The following S100PBP variants were observed in gnomAD, a reference collection of about 807,000 sequenced individuals.
S100PBP encodes S100P binding protein, also known as S100P-binding protein.
S100PBP carries 15 observed loss-of-function variants against 39.9 expected under a neutral mutation model. That is an observed-to-expected ratio of 0.38 (90% CI 0.25 to 0.58). The LOEUF (loss-of-function observed/expected upper bound fraction) is 0.58. Ranked by LOEUF, S100PBP falls within the 20% of genes least tolerant of loss-of-function variation. S100PBP has a pLI of 0.70. For missense variants in S100PBP, 504 were observed against 487.3 expected, an observed-to-expected ratio of 1.03 and a Z score of -0.32; for synonymous variants, 178 against 180.3, an observed-to-expected ratio of 0.99 and a Z score of 0.10.
chr1:32,852,835 TG>T (rs1373337816), intron 5 of S100PBP: 2 of 450,874 alleles, frequency 4.4e-6, no homozygotes, highest in African/African-American at 4.0e-5. Context: ...TAAAGTTCCC[TG>T]TATATTGTAG....
At chr1:32,852,890 T>C (rs893281285) in intron 5 of S100PBP, 189 bp from the exon 6 acceptor site, 3 of 533,156 alleles carry the variant, frequency 5.6e-6, no homozygotes, top group Non-Finnish European at 1.0e-5. Context: ...TATTATTGCT[T>C]CACCTTCACC....
At chr1:32,841,681 A>G (rs1460951135) in intron 5 of S100PBP, among the ~76,000 whole-genome samples, 1 of 150,202 alleles carries the variant, frequency 6.7e-6, no homozygotes, top group East Asian at 2.0e-4. Context: ...GTGGGCCGAG[A>G]TAGCACCATT....
At position 32,833,678 on chromosome 1, in the gene S100PBP, A is replaced by G. The variant is rs535944952; in HGVS notation, c.1024+3611A>G. 3.0e-3 allele frequency among the ~76,000 whole-genome samples: 450 copies of G among 152,136 alleles called. 4 individuals carry two copies. The highest frequency in any genetic ancestry group is 0.01 in the African/African-American group (429 of 41,524). On this transcript the variant is annotated intron_variant, in intron 5 of 6. Transcript: ENST00000373475. ...CCCAGCCCATTTTTTATTCTTTCAGACATTAGAAATAATGATTCTCTCTCC... is the reference window on the plus strand; with the variant it reads ...CCCAGCCCATTTTTTATTCTTTCAGGCATTAGAAATAATGATTCTCTCTCC...
upstream of S100PBP, chr1:32,817,367 C>T: frequency 1.6e-6 from 2 of 1,288,018 alleles, no homozygotes; most frequent in South Asian, 1.2e-5. Context: ...CTGGGCTCGG[C>T]GCTCCGCTTA....
intron 4 of S100PBP, among the ~76,000 whole-genome samples, chr1:32,829,636 A>G (rs898617116): frequency 6.6e-6 from 1 of 151,866 alleles, no homozygotes; most frequent in Non-Finnish European, 1.5e-5. Context: ...CTAATTTTTT[A>G]AAAAAATTTC....
chr1:32,847,404 T>C (rs1251956119), intron 5 of S100PBP: 5 of 152,220 alleles, frequency 3.3e-5, no homozygotes, highest in African/African-American at 4.8e-5. Context: ...CAATTTTCAG[T>C]AGTCTGAAAG....
In S100PBP at chr1:32,826,557, C is replaced by A; in HGVS notation, c.458C>A (p.Pro153Gln). Reference sequence around the variant, plus strand: ...AAAGTAACTGTTGCACCATTTAATCCAACAGTTTGTGATGCTCTGCTTGAT... The same window carrying A: ...AAAGTAACTGTTGCACCATTTAATCAAACAGTTTGTGATGCTCTGCTTGAT... ...LIKVTVAPFN[P>Q]TVCDALLDKD... Residue 153 changes from proline to glutamine, a missense_variant, in exon 3 of 7, where the codon CCA becomes CAA. Physicochemically the swap from Pro to Gln is moderately conservative, Grantham distance 76 (BLOSUM62 -1). Coordinates refer to ENST00000373475, the MANE Select transcript of S100PBP (RefSeq NM_022753.4). 6.2e-7 allele frequency: 1 copy of A among 1,613,794 alleles called. No homozygotes were observed. The highest frequency in any genetic ancestry group is 2.2e-5 in the East Asian group (1 of 44,880).
chr1:32,844,140 T>G (rs992709235), intron 5 of S100PBP, among the ~76,000 whole-genome samples: 2 of 152,126 alleles, frequency 1.3e-5, no homozygotes, highest in Admixed American at 1.3e-4. Flanking sequence ...GGTCTTGAAC[T>G]CCTGACCTTA....
chr1:32,850,667 G>A (rs1640571743), intron 5 of S100PBP, among the ~76,000 whole-genome samples: 2 of 152,134 alleles, frequency 1.3e-5, no homozygotes, highest in South Asian at 2.1e-4. Context: ...TAAAGAGACT[G>A]TAGATAAAGG....
At chr1:32,834,542 A>T (rs1198725915) in intron 5 of S100PBP, among the ~76,000 whole-genome samples, 1 of 152,136 alleles carries the variant, frequency 6.6e-6, no homozygotes, top group Non-Finnish European at 1.5e-5. Flanking sequence ...CCTAGGTGCT[A>T]TTGTGTATTC....
At chr1:32,818,351 GC>G (rs769942870) in intron 1 of S100PBP, among the ~76,000 whole-genome samples, 1 of 152,258 alleles carries the variant, frequency 6.6e-6, no homozygotes, top group Non-Finnish European at 1.5e-5. Flanking sequence ...CAAAGGTTGG[GC>G]CTGGGCCACC....
intron 5 of S100PBP, chr1:32,836,145 T>C (rs186386026): frequency 6.6e-6 from 1 of 151,946 alleles, no homozygotes; most frequent in Non-Finnish European, 1.5e-5. Context: ...TTTTTTTTTT[T>C]TTTTGAGGCT....
At chr1:32,821,897 C>T (rs897799903) in intron 1 of S100PBP, among the ~76,000 whole-genome samples, 2 of 152,058 alleles carry the variant, frequency 1.3e-5, no homozygotes, top group Non-Finnish European at 1.5e-5. Flanking sequence ...ACTTAGCCTC[C>T]GAAAGTGCTG....
At chr1:32,841,029 C>G (rs986380904) in intron 5 of S100PBP, among the ~76,000 whole-genome samples, 5 of 151,756 alleles carry the variant, frequency 3.3e-5, no homozygotes, top group African/African-American at 1.2e-4. Context: ...GGCATGGTGG[C>G]GGGTGCCTGT....
intron 5 of S100PBP, among the ~76,000 whole-genome samples, chr1:32,831,318 C>A (rs1285699955): frequency 1.3e-5 from 2 of 151,442 alleles, no homozygotes; most frequent in Non-Finnish European, 2.9e-5. Context: ...AGGGAAGGAG[C>A]CCTTCTGCTT....
chr1:32,824,850 ATT>A (rs1639255272), intron 1 of S100PBP: 1 of 132,410 alleles, frequency 7.6e-6, no homozygotes, highest in Admixed American at 8.2e-5. Context: ...ATATATAAAG[ATT>A]TGTGTGTGTG....
chr1:32,853,506 C>T (rs1640707360), intron 6 of S100PBP, among the ~76,000 whole-genome samples: 2 of 137,436 alleles, frequency 1.5e-5, no homozygotes, highest in Non-Finnish European at 3.1e-5. Flanking sequence ...GGGGGGGGCG[C>T]GTGAAATTTG....
At chr1:32,849,365 G>A (rs1261165535) in intron 5 of S100PBP, among the ~76,000 whole-genome samples, 1 of 152,070 alleles carries the variant, frequency 6.6e-6, no homozygotes, top group African/African-American at 2.4e-5. Context: ...TTGAACTCCT[G>A]GGCTCAAGCC....
chr1:32,845,255 G>A (rs1013243194), intron 5 of S100PBP, among the ~76,000 whole-genome samples: 2 of 152,000 alleles, frequency 1.3e-5, no homozygotes, highest in African/African-American at 4.8e-5. Context: ...GGATGGTCTC[G>A]ATCTCCTGGC....
Sources: allele counts gnomAD v4.1 joint callset (sites outside exome capture counted in the v4.1 genomes callset), GRCh38; gene constraint gnomAD v4.1.1; transcripts MANE v1.5; gene names NCBI Gene and HGNC (gene_info 2026-07-23, HGNC 2026-07-21).